REEP1: variants seen among roughly 807,000 people sequenced by gnomAD.
REEP1 encodes the protein receptor accessory protein 1, also known as receptor expression-enhancing protein 1.
Under a neutral mutation model 40.3 loss-of-function variants are expected in REEP1, and 22 were observed. The ratio of observed to expected loss-of-function variants is 0.55; its 90% confidence interval spans 0.39 to 0.78. The LOEUF is 0.78. Ranked by LOEUF, REEP1 falls within the 30% of genes least tolerant of loss-of-function variation. The probability of loss-of-function intolerance (pLI) is 0.00; values close to 1 mark genes in which losing one functional copy is unlikely to be tolerated. For missense variants in REEP1, 280 were observed against 361.1 expected, an observed-to-expected ratio of 0.78 and a Z score of 1.82; for synonymous variants, 116 against 139.2, an observed-to-expected ratio of 0.83 and a Z score of 1.17.
At chr2:86,238,645 G>A (rs1243345085) in intron 5 of REEP1, among the ~76,000 whole-genome samples, 1 of 152,156 alleles carries the variant, frequency 6.6e-6, no homozygotes, top group African/African-American at 2.4e-5. Flanking sequence ...TGCTGAACAA[G>A]CCTTGAGATG....
intron 1 of REEP1, among the ~76,000 whole-genome samples, chr2:86,311,969 T>G (rs1299175351): frequency 1.3e-5 from 2 of 152,094 alleles, no homozygotes; most frequent in Non-Finnish European, 1.5e-5. Flanking sequence ...CCTTCTGATT[T>G]GCACATGTGT....
chr2:86,335,622 G>A (rs563477043), intron 1 of REEP1, among the ~76,000 whole-genome samples: 1 of 152,122 alleles, frequency 6.6e-6, no homozygotes, highest in Non-Finnish European at 1.5e-5. Context: ...AGGCCGAAGC[G>A]GGCGGATCAC....
intron 7 of REEP1, among the ~76,000 whole-genome samples, chr2:86,224,144 C>T (rs548248133): frequency 6.6e-6 from 1 of 152,158 alleles, no homozygotes; most frequent in African/African-American, 2.4e-5. Context: ...TTCCCTACCC[C>T]CATCATGAAT....
intron 3 of REEP1, among the ~76,000 whole-genome samples, chr2:86,259,734 A>G (rs1001886500): frequency 1.3e-5 from 2 of 152,168 alleles, no homozygotes; most frequent in Non-Finnish European, 2.9e-5. Context: ...AATCACCTCT[A>G]CAACCTGTGA....
At chr2:86,268,627 G>A (rs1205973500) in intron 2 of REEP1, among the ~76,000 whole-genome samples, 3 of 152,018 alleles carry the variant, frequency 2.0e-5, no homozygotes, top group African/African-American at 4.8e-5. Context: ...TCAACAAACC[G>A]ATTATAAAGT....
intron 1 of REEP1, among the ~76,000 whole-genome samples, chr2:86,302,628 G>C (rs1679301363): frequency 6.6e-6 from 1 of 152,018 alleles, no homozygotes; most frequent in Non-Finnish European, 1.5e-5. Flanking sequence ...CAACAATAAA[G>C]AAAGAATTGG....
At position 86,232,625 on chromosome 2, in the gene REEP1, C is replaced by T. The variant is rs1347415475; in HGVS notation, c.595G>A (p.Val199Met). ...RSASESASSSVCTCCSTCRTW... is the reference protein window; with the variant it reads ...RSASESASSSMCTCCSTCRTW... ...AGAGGGGAAGTAAAGTGACACCTAC[C>T]TGAGCTGCTAGCGCTCTCAGAAGCA... Residue 199 changes from valine (V) to methionine (M), a missense_variant and splice_region_variant, in exon 6 of 9, where the codon GTG (valine) becomes ATG (methionine). Around this residue, in one of 3 missense-constraint regions of REEP1, gnomAD observed 201 missense variants for 238.5 expected, o/e 0.84. Transcript: ENST00000538924. 1 of 1,612,704 alleles carries T rather than the reference C, an allele frequency of 6.2e-7. No homozygotes were observed. The highest frequency in any genetic ancestry group is 8.5e-7 in the Non-Finnish European group (1 of 1,179,980).
intron 5 of REEP1, among the ~76,000 whole-genome samples, chr2:86,245,114 T>G (rs1483301611): frequency 6.6e-6 from 1 of 151,734 alleles, no homozygotes; most frequent in Non-Finnish European, 1.5e-5. Context: ...GCCACTGCAC[T>G]CCAGCCTGGG....
At chr2:86,326,524 CCAAAAT>C (rs1243345397) in intron 1 of REEP1, among the ~76,000 whole-genome samples, 1 of 152,010 alleles carries the variant, frequency 6.6e-6, no homozygotes, top group Non-Finnish European at 1.5e-5. Context: ...ACCAGCCTGA[CCAAAAT>C]GGTGAAACCC....
intron 5 of REEP1, among the ~76,000 whole-genome samples, chr2:86,238,984 G>A (rs758969696): frequency 3.9e-5 from 6 of 151,982 alleles, no homozygotes; most frequent in Admixed American, 2.0e-4. Context: ...TGGTTTCTTC[G>A]TAAACAACCA....
rs36008495 is a variant in REEP1 at position 86,251,993 on chromosome 2, G to A, written c.381C>T (p.Asn127=). 7.5e-4 allele frequency: 1,218 copies of A among 1,613,938 alleles called. 9 individuals carry two copies. In the African/African-American group the frequency reaches 0.014, roughly 18 times the overall value. ...CCATCACAGCCGCTGTGGCGGCCAC[G>A]TTCAAGCCCCGCTTCCCGAAGTGCA... The part of the protein sequence containing the change: ...ALVHFGKRGL[N]VAATAAVMAA... The change falls in exon 5 of 9, where the codon AAC becomes AAT. Residue 127 remains asparagine (N), a synonymous_variant. Transcript: ENST00000538924.
intron 8 of REEP1, among the ~76,000 whole-genome samples, chr2:86,217,370 T>G (rs1674172569): frequency 6.6e-6 from 1 of 152,202 alleles, no homozygotes; most frequent in Admixed American, 6.5e-5. Flanking sequence ...GGAACGGTTG[T>G]GCAGAATGAC....
chr2:86,319,439 G>A (rs866101072), intron 1 of REEP1, among the ~76,000 whole-genome samples: 3 of 99,942 alleles, frequency 3.0e-5, no homozygotes, highest in East Asian at 3.5e-4. Flanking sequence ...GGGTCTTGGC[G>A]GGGCAGAGTG....
rs1394008852 is a variant in REEP1, at chr2:86,214,151, A to G, written c.*2888T>C. 3 of 154,362 alleles carry G rather than the reference A, an allele frequency of 1.9e-5. No individual in the cohort carries two copies. Among genetic ancestry groups the G allele is most frequent in the African/African-American group, 7.2e-5 (3 of 41,464 alleles). The allele number at this position is 154,362 out of a possible 1,614,324, so 9.6% of individuals were successfully genotyped here. On this transcript the variant is annotated 3_prime_UTR_variant, in exon 9 of 9. Transcript: ENST00000538924. ...ACAGATCATTCTATAGGGACTACAG[A>G]CATGAACTAGAGGAAATGTGCACAG...
intron 8 of REEP1, among the ~76,000 whole-genome samples, chr2:86,217,795 A>G (rs1674206509): frequency 6.6e-6 from 1 of 151,448 alleles, no homozygotes; most frequent in Admixed American, 6.6e-5. Flanking sequence ...CCACACTCAA[A>G]GAATTTCAGA....
chr2:86,320,463 GA>G (rs1182968331), intron 1 of REEP1, among the ~76,000 whole-genome samples: 1 of 151,936 alleles, frequency 6.6e-6, no homozygotes, highest in Admixed American at 6.6e-5. Flanking sequence ...CACAGTGAAA[GA>G]AAAGAAAAAA....
At chr2:86,253,555 T>C (rs529387389) in intron 4 of REEP1, among the ~76,000 whole-genome samples, 12 of 152,272 alleles carry the variant, frequency 7.9e-5, no homozygotes, top group Middle Eastern at 3.4e-3. Context: ...TCACCTTCAC[T>C]TCAATGGAAG....
chr2:86,262,536 A>T (rs1039939438), intron 3 of REEP1, among the ~76,000 whole-genome samples: 9 of 152,236 alleles, frequency 5.9e-5, no homozygotes, highest in African/African-American at 2.2e-4. Context: ...TGTTGTGGGG[A>T]AAAGTACATG....
At chr2:86,267,605 G>C (rs189545088) in intron 2 of REEP1, among the ~76,000 whole-genome samples, 2 of 152,084 alleles carry the variant, frequency 1.3e-5, no homozygotes, top group East Asian at 3.9e-4. Flanking sequence ...AGGATGGCTT[G>C]AGCCCAGGAG....
Sources: allele counts gnomAD v4.1 joint callset (sites outside exome capture counted in the v4.1 genomes callset), GRCh38; gene constraint gnomAD v4.1.1; regional missense constraint gnomAD v4.1.1; transcripts MANE v1.5; gene names NCBI Gene and HGNC (gene_info 2026-07-23, HGNC 2026-07-21).